The following HIVEP2 variants were observed in gnomAD, a reference collection of about 807,000 sequenced individuals.
The protein encoded by HIVEP2 is HIVEP zinc finger 2, also known as transcription factor HIVEP2.
HIVEP2 carries 14 observed loss-of-function variants against 180.7 expected under a neutral mutation model. The observed-to-expected ratio is 0.08, with a 90% CI of 0.05 to 0.12. The LOEUF (loss-of-function observed/expected upper bound fraction) is 0.12, where lower values mean the gene tolerates loss of function less well. Ranked by LOEUF, HIVEP2 falls within the 10% of genes least tolerant of loss-of-function variation. The pLI, the probability that HIVEP2 is intolerant of heterozygous loss-of-function variation, is 1.00. For missense variants in HIVEP2, 2,579 were observed against 3,008.5 expected, an observed-to-expected ratio of 0.86 and a Z score of 3.34; for synonymous variants, 1,184 against 1,136.4, an observed-to-expected ratio of 1.04 and a Z score of -0.84.
At chr6:142,761,588 G>A (rs757584529) in intron 7 of HIVEP2, 23 bp from the exon 8 acceptor site, 9 of 1,298,292 alleles carry the variant, frequency 6.9e-6, no homozygotes, top group South Asian at 1.2e-5. Context: ...GCAAAAAAAA[G>A]AGAGAAATTA....
chr6:142,929,646 C>T (rs1035781022), intron 1 of HIVEP2, among the ~76,000 whole-genome samples: 8 of 152,094 alleles, frequency 5.3e-5, no homozygotes, highest in Non-Finnish European at 5.9e-5. Flanking sequence ...TCATGAAGTG[C>T]GCAATTCCAA....
intron 2 of HIVEP2, among the ~76,000 whole-genome samples, chr6:142,823,571 T>C (rs984932147): frequency 6.6e-6 from 1 of 152,246 alleles, no homozygotes. Flanking sequence ...CAACAGATTC[T>C]CGCATAACAA....
Position 142,771,839 on chromosome 6 carries a change from G to C in HIVEP2, c.2900C>G (p.Pro967Arg). 6.2e-7 allele frequency: 1 copy of C among 1,614,194 alleles called. No homozygotes were observed. The highest frequency in any genetic ancestry group is 8.5e-7 in the Non-Finnish European group (1 of 1,180,034). Residue 967 changes from proline to arginine, a missense_variant, in exon 5 of 10, where the codon CCC becomes CGC. Coordinates refer to ENST00000367603, the MANE Select transcript of HIVEP2 (RefSeq NM_006734.4). This position sits in a 1 kb window ranked among gnomAD's most constrained non-coding sequence, Gnocchi z 5.4. ...ESTGTGLSRSPSQESNLSHSS... is the reference protein window; with the variant it reads ...ESTGTGLSRSRSQESNLSHSS... ...GTGGGACAAGTTGCTTTCTTGGCTG[G>C]GGCTGCGGGAGAGGCCTGTGCCTGT...
At chr6:142,754,010 A>C in intron 9 of HIVEP2, 79 bp from the exon 10 acceptor site, 1 of 720,326 alleles carries the variant, frequency 1.4e-6, no homozygotes. Context: ...GGATTCATTC[A>C]CTCACCCATT....
At chr6:142,865,373 A>C (rs981571208) in intron 1 of HIVEP2, among the ~76,000 whole-genome samples, 7 of 152,174 alleles carry the variant, frequency 4.6e-5, no homozygotes, top group African/African-American at 1.7e-4. Flanking sequence ...AATTTCATTA[A>C]AAATTAGCCA....
rs935478731 is a variant in HIVEP2 at position 142,760,655 on chromosome 6, T to C, written c.5633A>G (p.Asp1878Gly). 22 of 1,592,400 alleles carry C rather than the reference T, an allele frequency of 1.4e-5. No individual in the cohort carries two copies. In the East Asian group the frequency reaches 4.9e-4, roughly 36 times the overall value. The change falls in exon 9 of 10, where the codon GAT becomes GGT. Residue 1878 changes from aspartate to glycine, a missense_variant. Asp to Gly is a moderately conservative substitution (Grantham distance 94). Around this residue, in one of 11 missense-constraint regions of HIVEP2, gnomAD observed 660 missense variants for 731.7 expected, o/e 0.90. Coordinates refer to ENST00000367603, the MANE Select transcript of HIVEP2 (RefSeq NM_006734.4). ...TETEEAENLE[D>G]LHKAAEKHSM... ...ATGCTTCTCTGCTGCTTTGTGCAAA[T>C]CTTCCAAATTTTCTGAAACAATTAA...
At chr6:142,895,385 G>T (rs530616992) in intron 1 of HIVEP2, among the ~76,000 whole-genome samples, 12 of 151,736 alleles carry the variant, frequency 7.9e-5, no homozygotes, top group Non-Finnish European at 1.8e-4. Flanking sequence ...GTCAAATGAT[G>T]TAGGATGGTA....
At chr6:142,803,392 A>T (rs1331165090) in intron 2 of HIVEP2, among the ~76,000 whole-genome samples, 5 of 152,192 alleles carry the variant, frequency 3.3e-5, no homozygotes, top group Non-Finnish European at 7.3e-5. Flanking sequence ...AAATAATTAC[A>T]GTTGCAAAGG....
chr6:142,868,349 A>T (rs1776196518), intron 1 of HIVEP2, among the ~76,000 whole-genome samples: 1 of 152,226 alleles, frequency 6.6e-6, no homozygotes, highest in Admixed American at 6.5e-5. Context: ...GTTCACAAGA[A>T]CAAAAATACA....
At chr6:142,762,729 T>C (rs1775281514) in intron 7 of HIVEP2, among the ~76,000 whole-genome samples, 1 of 152,226 alleles carries the variant, frequency 6.6e-6, no homozygotes, top group South Asian at 2.1e-4. Flanking sequence ...TTGCTGTTCA[T>C]GTAATATATG....
chr6:142,876,599 T>C (rs563623325), intron 1 of HIVEP2, among the ~76,000 whole-genome samples: 1 of 152,042 alleles, frequency 6.6e-6, no homozygotes, highest in Non-Finnish European at 1.5e-5. Context: ...TTAGAATGAT[T>C]CCCATTGAGT....
At chr6:142,837,206 G>A (rs1410212385) in intron 1 of HIVEP2, among the ~76,000 whole-genome samples, 159 bp from the exon 2 acceptor site, 1 of 152,042 alleles carries the variant, frequency 6.6e-6, no homozygotes, top group Non-Finnish European at 1.5e-5. Flanking sequence ...AAAGCGTCTA[G>A]GAATTAAGTT....
chr6:142,754,266 T>C (rs1481313695), intron 9 of HIVEP2, among the ~76,000 whole-genome samples: 1 of 148,292 alleles, frequency 6.7e-6, no homozygotes, highest in Non-Finnish European at 1.5e-5. Flanking sequence ...TAATGGATAA[T>C]TGGCAAAAAA....
At chr6:142,917,441 C>A (rs1017205005) in intron 1 of HIVEP2, among the ~76,000 whole-genome samples, 1 of 152,182 alleles carries the variant, frequency 6.6e-6, no homozygotes, top group Non-Finnish European at 1.5e-5. Flanking sequence ...ACACTACATG[C>A]GCTGCAAGTG....
intron 9 of HIVEP2, among the ~76,000 whole-genome samples, 196 bp downstream of exon 9, chr6:142,759,576 C>T (rs188240183): frequency 2.0e-5 from 3 of 152,324 alleles, no homozygotes; most frequent in Admixed American, 1.3e-4. Flanking sequence ...TGATGCAATA[C>T]TACACTTTAG....
intron 1 of HIVEP2, among the ~76,000 whole-genome samples, chr6:142,840,537 C>A (rs1158430456): frequency 6.6e-6 from 1 of 152,090 alleles, no homozygotes; most frequent in African/African-American, 2.4e-5. Flanking sequence ...ACTGAGATGT[C>A]CTCATAATGC....
chr6:142,761,647 G>A (rs1775241706), intron 7 of HIVEP2, 82 bp from the exon 8 acceptor site: 1 of 803,170 alleles, frequency 1.2e-6, no homozygotes, highest in Admixed American at 1.7e-5. Context: ...AATTCAATGT[G>A]AAATGAACTA....
At chr6:142,852,101 C>T (rs1283305335) in intron 1 of HIVEP2, among the ~76,000 whole-genome samples, 1 of 152,074 alleles carries the variant, frequency 6.6e-6, no homozygotes, top group Non-Finnish European at 1.5e-5. Context: ...CTTTACACAC[C>T]ATGTTCCACT....
rs140448659 is a variant in HIVEP2 at position 142,753,770 on chromosome 6, G to A, written c.6678C>T (p.Ile2226=). The A allele has an allele frequency of 9.1e-5, 147 of 1,614,206 alleles. 1 individual carries two copies. In the East Asian group the frequency reaches 3.2e-3, roughly 35 times the overall value. Residue 2226 remains isoleucine (I), a synonymous_variant, in exon 10 of 10, where the codon ATC becomes ATT. Coordinates refer to ENST00000367603, the MANE Select transcript of HIVEP2 (RefSeq NM_006734.4). ...GGATCCCACCAACGGGCACCATGGGGATAGGGGCTCGCACTTGTTGCTGAG... is the reference window on the plus strand; with the variant it reads ...GGATCCCACCAACGGGCACCATGGGAATAGGGGCTCGCACTTGTTGCTGAG... ...LHSQQQVRAP[I]PMVPVGGIQM...
Sources: gnomAD v4.1 joint callset for allele counts (sites outside exome capture counted in the v4.1 genomes callset) on GRCh38, gnomAD v4.1.1 for gene constraint, gnomAD v4.1.1 regional missense constraint, Gnocchi (gnomAD v3.1) non-coding constraint, MANE v1.5 for transcripts, NCBI Gene and HGNC (gene_info 2026-07-23, HGNC 2026-07-21) for gene names.